Variants in ANK2 observed in about 807,000 individuals in gnomAD.
The protein encoded by ANK2 is ankyrin-2.
Under a neutral mutation model 360.5 loss-of-function variants are expected in ANK2, and 83 were observed. The observed-to-expected ratio is 0.23, with a 90% CI of 0.19 to 0.28. ANK2 has a LOEUF of 0.28. ANK2 is among the 10% of genes least tolerant of loss of function. ANK2 has a pLI of 1.00. For synonymous variants in ANK2, 1,740 were observed against 1,759.5 expected (o/e 0.99, Z 0.28); for missense variants, 4,201 against 4,795.7 (o/e 0.88, Z 3.66).
chr4:112,779,385 G>T, the ANK2 span, among the ~76,000 whole-genome samples: 3 of 152,292 alleles, frequency 2.0e-5, no homozygotes, highest in East Asian at 1.9e-4. Flanking sequence ...CGGGCGTGGT[G>T]ATGGGCGCCT....
the ANK2 span, among the ~76,000 whole-genome samples, chr4:112,777,618 CTTT>C: frequency 7.8e-5 from 10 of 128,304 alleles, no homozygotes; most frequent in African/African-American, 1.2e-4. Context: ...CATCTATAAT[CTTT>C]TTTTTTTTTT....
chr4:113,230,164 A>G (rs929214273), intron 4 of ANK2, among the ~76,000 whole-genome samples: 19 of 152,146 alleles, frequency 1.2e-4, no homozygotes, highest in African/African-American at 4.6e-4. Flanking sequence ...TTGTTAATTC[A>G]TTCCTCTTAT....
At chr4:112,966,621 A>G (rs967357018) in intron 2 of ANK2, among the ~76,000 whole-genome samples, 1 of 152,118 alleles carries the variant, frequency 6.6e-6, no homozygotes, top group Non-Finnish European at 1.5e-5. Context: ...AAGTAGTGTT[A>G]TGGTGAACAT....
At chr4:113,224,630 A>G (rs2099192615) in intron 4 of ANK2, among the ~76,000 whole-genome samples, 1 of 152,216 alleles carries the variant, frequency 6.6e-6, no homozygotes, top group Non-Finnish European at 1.5e-5. Context: ...TAAGCTTAGC[A>G]ATGTAACATT....
chr4:113,272,032 A>G (rs1440722348), intron 14 of ANK2, among the ~76,000 whole-genome samples: 1 of 152,250 alleles, frequency 6.6e-6, no homozygotes, highest in Admixed American at 6.5e-5. Flanking sequence ...GAGCAATCCC[A>G]GGGGTCCTAG....
intron 1 of ANK2, among the ~76,000 whole-genome samples, chr4:112,818,658 C>T (rs2056072911): frequency 6.6e-6 from 1 of 152,162 alleles, no homozygotes; most frequent in Non-Finnish European, 1.5e-5. Flanking sequence ...TGTGTTAAGA[C>T]ACTGGCTGTG....
chr4:113,230,415 T>C (rs188843941), intron 4 of ANK2, among the ~76,000 whole-genome samples: 38 of 152,166 alleles, frequency 2.5e-4, no homozygotes, highest in African/African-American at 8.7e-4. Context: ...CTCGGGAGGC[T>C]GAGGCAGGAG....
chr4:112,776,935 T>G, the ANK2 span, among the ~76,000 whole-genome samples: 1 of 152,180 alleles, frequency 6.6e-6, no homozygotes, highest in East Asian at 1.9e-4. Flanking sequence ...ACTGAGCAGC[T>G]TTTACTCATC....
chr4:113,090,839 G>A (rs2087606215), intron 1 of ANK2, among the ~76,000 whole-genome samples: 1 of 152,162 alleles, frequency 6.6e-6, no homozygotes, highest in Non-Finnish European at 1.5e-5. Flanking sequence ...CATGCAACCT[G>A]GTTACCATTA....
intron 2 of ANK2, among the ~76,000 whole-genome samples, chr4:112,986,117 C>T (rs2044780529): frequency 8.5e-6 from 1 of 117,712 alleles, no homozygotes; most frequent in Admixed American, 8.3e-5. Context: ...GGTTAGTACA[C>T]TGTGGTCTGG....
chr4:113,210,863 G>A (rs1325297289), intron 4 of ANK2, among the ~76,000 whole-genome samples: 1 of 151,976 alleles, frequency 6.6e-6, no homozygotes, highest in African/African-American at 2.4e-5. Flanking sequence ...GGTTCTTTAG[G>A]TCCTGAATTA....
the ANK2 span, among the ~76,000 whole-genome samples, chr4:112,722,649 G>C: frequency 2.0e-5 from 3 of 152,196 alleles, no homozygotes; most frequent in Admixed American, 6.6e-5. Flanking sequence ...GGTGTCCAAA[G>C]CAGAAAGCAA....
chr4:112,710,903 TTATATA>T, the ANK2 span, among the ~76,000 whole-genome samples: 5 of 141,292 alleles, frequency 3.5e-5, no homozygotes, highest in Admixed American at 7.1e-5. Context: ...TGAACAGGTT[TTATATA>T]TATATATATA....
Position 113,166,684 on chromosome 4 carries a change from A to G in ANK2, c.85-7732A>G, listed in dbSNP as rs112338326. Reference sequence around the variant, plus strand: ...ATTAATATTTTGATTCAATTTTCAGAAAAGTAAATGCCATAAAAAAATGAG... The same window carrying G: ...ATTAATATTTTGATTCAATTTTCAGGAAAGTAAATGCCATAAAAAAATGAG... On this transcript the variant is annotated intron_variant, in intron 1 of 45. Coordinates refer to ENST00000357077, the MANE Select transcript of ANK2 (RefSeq NM_001148.6). Among the ~76,000 whole-genome samples, 408 of 152,132 alleles carry G rather than the reference A, an allele frequency of 2.7e-3. 1 individual carries two copies. Among genetic ancestry groups the G allele is most frequent in the African/African-American group, 9.5e-3 (395 of 41,530 alleles).
chr4:113,280,300 A>G (rs1034351604), intron 17 of ANK2, among the ~76,000 whole-genome samples: 2 of 152,214 alleles, frequency 1.3e-5, no homozygotes, highest in African/African-American at 4.8e-5. Flanking sequence ...TAGTTTTCCT[A>G]AGGAGATAAA....
chr4:112,722,206 T>C, the ANK2 span, among the ~76,000 whole-genome samples: 20 of 152,182 alleles, frequency 1.3e-4, no homozygotes, highest in African/African-American at 4.8e-4. Flanking sequence ...TCAACTTTCT[T>C]TTAATGCATC....
At chr4:113,336,533 A>T in intron 30 of ANK2, 44 bp from the exon 31 acceptor site, 2 of 1,462,762 alleles carry the variant, frequency 1.4e-6, no homozygotes, top group East Asian at 4.9e-5. Context: ...TTTATTTTAA[A>T]ATATATACAC....
chr4:112,754,023 G>A, the ANK2 span, among the ~76,000 whole-genome samples: 47 of 150,286 alleles, frequency 3.1e-4, no homozygotes, highest in Non-Finnish European at 6.5e-4. Context: ...ACTTGAACCC[G>A]GGAGGCAGAG....
chr4:112,912,985 GTC>G (rs1481163084), intron 2 of ANK2, among the ~76,000 whole-genome samples: 2 of 152,078 alleles, frequency 1.3e-5, no homozygotes, highest in African/African-American at 4.8e-5. Context: ...ATCTGCTGAA[GTC>G]TCTAAGGTTT....
Sources: allele counts gnomAD v4.1 joint callset (sites outside exome capture counted in the v4.1 genomes callset), GRCh38; gene constraint gnomAD v4.1.1; transcripts MANE v1.5; gene names NCBI Gene and HGNC (gene_info 2026-07-23, HGNC 2026-07-21).